PARP8: variants seen among roughly 807,000 people sequenced by gnomAD.
The protein encoded by PARP8 is poly(ADP-ribose) polymerase family member 8.
In PARP8, 51 loss-of-function variants were observed where a neutral mutation model predicts 124.1. That is an observed-to-expected ratio of 0.41 (90% CI 0.33 to 0.52). The LOEUF (loss-of-function observed/expected upper bound fraction) is 0.52. Ranked by LOEUF, PARP8 falls within the 20% of genes least tolerant of loss-of-function variation. PARP8 has a pLI of 0.21. For synonymous variants in PARP8, 391 were observed against 361.5 expected (o/e 1.08, Z -0.93); for missense variants, 860 against 1,018.9 (o/e 0.84, Z 2.12).
chr5:50,713,649 G>A (rs1755009120), intron 2 of PARP8, among the ~76,000 whole-genome samples: 2 of 151,902 alleles, frequency 1.3e-5, no homozygotes, highest in African/African-American at 4.8e-5. Context: ...CCTGGAACTT[G>A]TGAACATATT....
rs1748410782 is a variant in PARP8 at position 50,843,859 on chromosome 5, C to T, written c.*1791C>T. The stretch of plus-strand genomic sequence containing the variant: ...ATTATTTTTTTGAAATTAGTCTATA[C>T]GTTAGACAGTCTATACATGACAAAC... On this transcript the variant is annotated 3_prime_UTR_variant, in exon 26 of 26. Coordinates refer to ENST00000281631, the MANE Select transcript of PARP8 (RefSeq NM_024615.4). The T allele has an allele frequency of 6.6e-6, 1 of 151,712 alleles. No individual in the cohort carries two copies. Among genetic ancestry groups the T allele is most frequent in the Non-Finnish European group, 1.5e-5 (1 of 67,816 alleles). The allele number at this position is 151,712 out of a possible 1,614,324, so 9.4% of individuals were successfully genotyped here. A position where few individuals can be genotyped will look rare whatever the true frequency, so the allele number is the denominator to read the frequency against.
intron 2 of PARP8, among the ~76,000 whole-genome samples, chr5:50,701,431 T>G: frequency 6.6e-6 from 1 of 152,138 alleles, no homozygotes; most frequent in Admixed American, 6.5e-5. Flanking sequence ...GGATAAAGTT[T>G]TTAATTCTTC....
chr5:50,794,210 C>T lies in PARP8; in HGVS notation c.741C>T (p.Ile247=). ...AGAATTACCTTTGGATTGACAGAAT[C>T]ATGCAGACATTTGTTACACAGCAGT... The part of the protein sequence containing the change: ...RFGLGHQLKK[I]MQTFVTQQWK... The change falls in exon 11 of 26, where the codon ATC becomes ATT. Residue 247 remains isoleucine (I), a synonymous_variant. Transcript: ENST00000281631. 6.2e-7 allele frequency: 1 copy of T among 1,610,018 alleles called. No homozygotes were observed. Among genetic ancestry groups the T allele is most frequent in the Non-Finnish European group, 8.5e-7 (1 of 1,177,828 alleles).
At chr5:50,780,541 G>T (rs1740551752) in intron 9 of PARP8, among the ~76,000 whole-genome samples, 1 of 152,028 alleles carries the variant, frequency 6.6e-6, no homozygotes, top group South Asian at 2.1e-4. Context: ...TCTCTTTAAA[G>T]ATTTTTTACA....
chr5:50,779,874 T>C (rs1740469891), intron 9 of PARP8, among the ~76,000 whole-genome samples: 1 of 152,096 alleles, frequency 6.6e-6, no homozygotes, highest in Non-Finnish European at 1.5e-5. Context: ...AGTTAGTCAC[T>C]TGTTTTCTGT....
At chr5:50,792,439 T>A (rs747142944) in intron 10 of PARP8, among the ~76,000 whole-genome samples, 2 of 152,098 alleles carry the variant, frequency 1.3e-5, no homozygotes, top group Non-Finnish European at 2.9e-5. Context: ...TGAATCCTAA[T>A]GTAATATATA....
intron 25 of PARP8, 23 bp downstream of exon 25, chr5:50,835,038 G>A: frequency 6.3e-7 from 1 of 1,595,816 alleles, no homozygotes. Flanking sequence ...GCTCAAATTT[G>A]TATATTACTG....
chr5:50,822,313 A>G (rs1358746491), intron 16 of PARP8, 22 bp from the exon 17 acceptor site: 2 of 1,567,004 alleles, frequency 1.3e-6, no homozygotes, highest in African/African-American at 1.4e-5. Flanking sequence ...CTGTTTTTTA[A>G]CATCACTTTT....
In PARP8 at chr5:50,748,032, A is replaced by G. The variant is rs186758576; in HGVS notation, c.147-2119A>G. 3.3e-5 allele frequency among the ~76,000 whole-genome samples: 5 copies of G among 151,982 alleles called. No homozygotes were observed. The East Asian group carries it at 9.6e-4, about 29-fold the overall frequency. ...GTGTGTCTTGTTCCATTAACATTCAATGAAGTTATTGATATGATTAGATTC... is the reference window on the plus strand; with the variant it reads ...GTGTGTCTTGTTCCATTAACATTCAGTGAAGTTATTGATATGATTAGATTC... On this transcript the variant is annotated intron_variant, in intron 2 of 25. Transcript: ENST00000281631.
At chr5:50,675,930 T>G (rs1328779320) in intron 2 of PARP8, among the ~76,000 whole-genome samples, 2 of 152,242 alleles carry the variant, frequency 1.3e-5, no homozygotes, top group African/African-American at 4.8e-5. Flanking sequence ...AGTAAATATT[T>G]CTAGTTTCTT....
chr5:50,745,086 C>T (rs1758408640), intron 2 of PARP8: 1 of 243,472 alleles, frequency 4.1e-6, no homozygotes, highest in Admixed American at 5.1e-5. Context: ...GATTTTCCTT[C>T]TGGTATACCA....
intron 14 of PARP8, among the ~76,000 whole-genome samples, chr5:50,808,611 G>A (rs114868428): frequency 1.0e-3 from 156 of 152,098 alleles, no homozygotes; most frequent in African/African-American, 3.5e-3. Context: ...GTGGAAACCT[G>A]TCTCATGGGT....
chr5:50,819,142 A>G (rs1745456047), intron 15 of PARP8, among the ~76,000 whole-genome samples: 1 of 152,152 alleles, frequency 6.6e-6, no homozygotes, highest in South Asian at 2.1e-4. Flanking sequence ...GGAGTTGGAA[A>G]CTTTGGTGCA....
At chr5:50,683,946 A>G in intron 2 of PARP8, among the ~76,000 whole-genome samples, 1 of 152,212 alleles carries the variant, frequency 6.6e-6, no homozygotes, top group Admixed American at 6.5e-5. Flanking sequence ...TTGAATTAAA[A>G]TGTTAGTTAC....
chr5:50,681,049 G>GTTT (rs1561236644), intron 2 of PARP8, among the ~76,000 whole-genome samples: 5 of 151,976 alleles, frequency 3.3e-5, no homozygotes, highest in Non-Finnish European at 7.4e-5. Context: ...AATTTATGTA[G>GTTT]ATATTTTCCC....
At chr5:50,701,293 TG>T (rs1168596529) in intron 2 of PARP8, among the ~76,000 whole-genome samples, 1 of 152,068 alleles carries the variant, frequency 6.6e-6, no homozygotes, top group African/African-American at 2.4e-5. Context: ...TATGTATAAG[TG>T]GATGGATTGA....
At chr5:50,825,737 C>G (rs912778421) in intron 18 of PARP8, among the ~76,000 whole-genome samples, 4 of 152,090 alleles carry the variant, frequency 2.6e-5, no homozygotes, top group African/African-American at 7.2e-5. Flanking sequence ...TACAGTAATA[C>G]AAATGTAAGG....
intron 8 of PARP8, among the ~76,000 whole-genome samples, 192 bp from the exon 9 acceptor site, chr5:50,778,368 A>G (rs1740274597): frequency 6.6e-6 from 1 of 152,138 alleles, no homozygotes; most frequent in South Asian, 2.1e-4. Context: ...ACTTCGTTAT[A>G]TTTTAAGTAT....
chr5:50,775,002 C>A (rs568315831), intron 7 of PARP8, among the ~76,000 whole-genome samples: 4 of 147,800 alleles, frequency 2.7e-5, no homozygotes, highest in Non-Finnish European at 4.5e-5. Context: ...AGATGATGGG[C>A]GGCCAGGCAG....
Sources: gnomAD v4.1 joint callset for allele counts (sites outside exome capture counted in the v4.1 genomes callset) on GRCh38, gnomAD v4.1.1 for gene constraint, MANE v1.5 for transcripts, NCBI Gene and HGNC (gene_info 2026-07-23, HGNC 2026-07-21) for gene names.